Variants in LYST observed in about 807,000 individuals in gnomAD.
LYST encodes the protein lysosomal trafficking regulator.
Under a neutral mutation model 413.6 loss-of-function variants are expected in LYST, and 192 were observed. That is an observed-to-expected ratio of 0.46 (90% CI 0.41 to 0.52). The LOEUF is 0.52. LYST is among the 20% of genes least tolerant of loss of function. The pLI is 0.00. For synonymous variants in LYST, 1,525 were observed against 1,567.3 expected (o/e 0.97, Z 0.64); for missense variants, 3,815 against 4,499.9 (o/e 0.85, Z 4.35).
At chr1:235,672,666 T>C (rs1482517153) in intron 50 of LYST, among the ~76,000 whole-genome samples, 1 of 152,190 alleles carries the variant, frequency 6.6e-6, no homozygotes, top group Admixed American at 6.5e-5. Context: ...TTTGATTACT[T>C]TTATAACTAA....
intron 3 of LYST, among the ~76,000 whole-genome samples, chr1:235,823,503 T>C (rs1675004370): frequency 6.6e-6 from 1 of 152,264 alleles, no homozygotes; most frequent in South Asian, 2.1e-4. Flanking sequence ...GCCTATTCCC[T>C]TGCTTTAAAA....
chr1:235,864,075 C>T (rs1680212195), intron 1 of LYST, among the ~76,000 whole-genome samples: 1 of 152,064 alleles, frequency 6.6e-6, no homozygotes, highest in African/African-American at 2.4e-5. Context: ...GCCAGAATCC[C>T]CCTTATCCCT....
At chr1:235,787,457 T>C in intron 13 of LYST, 84 bp from the exon 14 acceptor site, 8 of 1,097,098 alleles carry the variant, frequency 7.3e-6, no homozygotes, top group South Asian at 1.3e-5. Flanking sequence ...ACTATAATTC[T>C]AAATAAGTAA....
In LYST at chr1:235,768,490, G is replaced by T. The variant is rs543508665; in HGVS notation, c.5922+1670C>A. ...GAGGTAACTTAAAGGCAAAGACTAA[G>T]TTCATTTCTTTATAAACTTCCCACA... is the stretch of plus-strand genomic sequence containing the variant. On this transcript the variant is annotated intron_variant, in intron 20 of 52. Transcript: ENST00000389793. Among the ~76,000 whole-genome samples the T allele has an allele frequency of 5.3e-5, 8 of 152,122 alleles. No homozygotes were observed. The South Asian group carries it at 1.2e-3, about 24-fold the overall frequency.
rs1444362386 is a variant in LYST, at chr1:235,808,811, A to G, written c.2007T>C (p.Ser669=). 6.2e-7 allele frequency: 1 copy of G among 1,614,072 alleles called. No individual in the cohort carries two copies. Among genetic ancestry groups the G allele is most frequent in the Non-Finnish European group, 8.5e-7 (1 of 1,179,988 alleles). ...CDAELSSSLS[S]PSYRFQGILP... ...GGATCCCTTGAAATCTGTAAGAAGG[A>G]CTGGATAAACTTGAGGAGAGTTCAG... Residue 669 remains serine, a synonymous_variant, in exon 5 of 53, where the codon AGT becomes AGC. Coordinates refer to ENST00000389793, the MANE Select transcript of LYST (RefSeq NM_000081.4).
Position 235,693,394 on chromosome 1 carries a change from T to G in LYST, c.10657A>C (p.Ser3553Arg). The G allele has an allele frequency of 6.2e-7, 1 of 1,613,628 alleles. No individual in the cohort carries two copies. Among genetic ancestry groups the G allele is most frequent in the Non-Finnish European group, 8.5e-7 (1 of 1,179,502 alleles). Residue 3553 changes from serine (S) to arginine (R), a missense_variant, in exon 47 of 53, where the codon AGT becomes CGT. Ser to Arg is a moderately radical substitution (Grantham distance 110). This residue lies in a region of LYST where 866 missense variants were observed against 1,156.0 expected (regional missense o/e 0.75). Coordinates refer to ENST00000389793, the MANE Select transcript of LYST (RefSeq NM_000081.4). ...TGAATAAAGTTTACTGGAGGCTCAC[T>G]TTGTTTACTCTTCAACCTTAAAATA... ...DNILRLKSKQSEPPVNFIQSS... is the reference protein window; with the variant it reads ...DNILRLKSKQREPPVNFIQSS...
At chr1:235,733,770 G>A in intron 33 of LYST, 60 bp downstream of exon 33, 1 of 1,496,944 alleles carries the variant, frequency 6.7e-7, no homozygotes, top group Non-Finnish European at 9.3e-7. Flanking sequence ...AAAACTAAAA[G>A]TATATGTGAA....
At chr1:235,827,511 C>T (rs1675461891) in intron 3 of LYST, 1 of 979,780 alleles carries the variant, frequency 1.0e-6, no homozygotes, top group Non-Finnish European at 1.2e-6. Context: ...AAACATACAA[C>T]TATGTGTCTA....
chr1:235,709,378 T>G, intron 43 of LYST, 70 bp from the exon 44 acceptor site: 5 of 1,255,038 alleles, frequency 4.0e-6, no homozygotes, highest in Non-Finnish European at 5.7e-6. Flanking sequence ...AGAGCAGGTC[T>G]TAAGAGTTCA....
Position 235,809,875 on chromosome 1 carries a change from A to G in LYST, c.943T>C (p.Trp315Arg), listed in dbSNP as rs1255628725. The change falls in exon 5 of 53, where the codon TGG becomes CGG. Residue 315 changes from tryptophan (W) to arginine (R), a missense_variant. Trp to Arg is a moderately radical substitution (Grantham distance 101, BLOSUM62 -3). Coordinates refer to ENST00000389793, the MANE Select transcript of LYST (RefSeq NM_000081.4). The surrounding 1 kb of genome is among the most constrained non-coding windows in gnomAD (Gnocchi z 4.0). ...NLESRVVSAG[W>R]TEEPVALIQR... ...ATCAAAGCCACCGGTTCTTCGGTCC[A>G]ACCTGCAGAAACTACTCGACTCTCC... 1 of 1,614,008 alleles carries G rather than the reference A, an allele frequency of 6.2e-7. No individual in the cohort carries two copies. The highest frequency in any genetic ancestry group is 1.1e-5 in the South Asian group (1 of 91,076).
intron 1 of LYST, among the ~76,000 whole-genome samples, chr1:235,852,625 A>G (rs779270718): frequency 6.6e-6 from 1 of 152,226 alleles, no homozygotes; most frequent in East Asian, 1.9e-4. Flanking sequence ...CGTAACTGCC[A>G]TACTCAAAAG....
intron 17 of LYST, among the ~76,000 whole-genome samples, chr1:235,776,612 C>T (rs1197600555): frequency 2.0e-5 from 3 of 151,830 alleles, no homozygotes; most frequent in East Asian, 3.9e-4. Flanking sequence ...ATGACTCATT[C>T]GAAAATGGTA....
In LYST at chr1:235,808,883, G is replaced by T. The variant is rs1673152219; in HGVS notation, c.1935C>A (p.Asp645Glu). 3 of 1,613,742 alleles carry T rather than the reference G, an allele frequency of 1.9e-6. No homozygotes were observed. Among genetic ancestry groups the T allele is most frequent in the East Asian group, 2.2e-5 (1 of 44,874 alleles). ...GTGTCTCTTCTAATTGGGCTAGTTG[G>T]TCAGAGTCAACAGTACAAATATTAC... is the stretch of plus-strand genomic sequence containing the variant. ...AACNICTVDS[D>E]QLAQLEETLQ... Residue 645 changes from aspartate (D) to glutamate (E), a missense_variant, in exon 5 of 53, where the codon GAC becomes GAA. This residue lies in a region of LYST where 1,648 missense variants were observed against 1,810.3 expected (regional missense o/e 0.91). Coordinates refer to ENST00000389793, the MANE Select transcript of LYST (RefSeq NM_000081.4).
intron 52 of LYST, 97 bp downstream of exon 52, chr1:235,663,887 T>C (rs1658225045): frequency 5.6e-6 from 6 of 1,068,366 alleles, no homozygotes; most frequent in Middle Eastern, 2.0e-4. Context: ...ATGACTTCAA[T>C]TGCACATTTC....
At chr1:235,882,517 G>C (rs191135423) in intron 1 of LYST, among the ~76,000 whole-genome samples, 6 of 152,254 alleles carry the variant, frequency 3.9e-5, no homozygotes, top group Admixed American at 3.3e-4. Context: ...GAGGTGAAAG[G>C]GACTAGAGGC....
At chr1:235,685,380 C>A (rs1007924215) in intron 48 of LYST, among the ~76,000 whole-genome samples, 1 of 152,166 alleles carries the variant, frequency 6.6e-6, no homozygotes, top group Non-Finnish European at 1.5e-5. Context: ...TTTCTCCTTG[C>A]AGGCTCTACA....
In LYST at chr1:235,806,649, C is replaced by T. The variant is rs754138948; in HGVS notation, c.2487G>A (p.Glu829=). The part of the protein sequence containing the change: ...AFETLIISLG[E]QQKDASVPDI... ...CTGGAACTGAGGCATCTTTCTGTTG[C>T]TCCCCTAGGCTGATTATCAGAGTTT... The change falls in exon 6 of 53, where the codon GAG becomes GAA. Residue 829 remains glutamate (E), a synonymous_variant. Coordinates refer to ENST00000389793, the MANE Select transcript of LYST (RefSeq NM_000081.4). 2 of 1,613,914 alleles carry T rather than the reference C, an allele frequency of 1.2e-6. No individual in the cohort carries two copies. Among genetic ancestry groups the T allele is most frequent in the Non-Finnish European group, 1.7e-6 (2 of 1,179,860 alleles).
At chr1:235,706,361 CAG>C (rs1661988650) in intron 44 of LYST, among the ~76,000 whole-genome samples, 1 of 152,180 alleles carries the variant, frequency 6.6e-6, no homozygotes, top group Non-Finnish European at 1.5e-5. Context: ...CAAAGGGACA[CAG>C]AGGAATCTGA....
intron 14 of LYST, 90 bp from the exon 15 acceptor site, chr1:235,782,177 A>ATT: frequency 3.6e-6 from 4 of 1,125,000 alleles, no homozygotes; most frequent in African/African-American, 3.2e-5. Context: ...ACAATGGGGA[A>ATT]TTCTTTTTTT....
Sources: gnomAD v4.1 joint callset for allele counts (sites outside exome capture counted in the v4.1 genomes callset) on GRCh38, gnomAD v4.1.1 for gene constraint, gnomAD v4.1.1 regional missense constraint, Gnocchi (gnomAD v3.1) non-coding constraint, MANE v1.5 for transcripts, NCBI Gene and HGNC (gene_info 2026-07-23, HGNC 2026-07-21) for gene names.